The following RAD51B variants were observed in gnomAD, a reference collection of about 807,000 sequenced individuals.
The protein encoded by RAD51B is DNA repair protein RAD51 homolog 2.
RAD51B carries 38 observed loss-of-function variants against 42.2 expected under a neutral mutation model. The ratio of observed to expected loss-of-function variants is 0.90; its 90% CI spans 0.70 to 1.18. The LOEUF is 1.18. Ranked by LOEUF, RAD51B falls within the 50% of genes most tolerant of loss-of-function variation. The pLI is 0.00. For missense variants in RAD51B, 373 were observed against 400.7 expected (o/e 0.93, Z 0.59); for synonymous variants, 154 against 145.2 (o/e 1.06, Z -0.43).
At chr14:68,464,879 G>A (rs75995883) in intron 9 of RAD51B, among the ~76,000 whole-genome samples, 82 of 152,316 alleles carry the variant, frequency 5.4e-4, no homozygotes, top group Non-Finnish European at 1.0e-3. Flanking sequence ...TGCTCCAGAA[G>A]GACAGTGCAT....
intron 7 of RAD51B, among the ~76,000 whole-genome samples, chr14:68,143,645 T>C (rs2078184836): frequency 6.6e-6 from 1 of 152,236 alleles, no homozygotes; most frequent in Admixed American, 6.5e-5. Flanking sequence ...CCCTTTATAT[T>C]TGTGCCTTTT....
chr14:68,536,848 G>A (rs181875236), intron 10 of RAD51B, among the ~76,000 whole-genome samples: 386 of 151,750 alleles, frequency 2.5e-3, no homozygotes, highest in Middle Eastern at 3.4e-3. Flanking sequence ...TTGGGAGGCC[G>A]AGGCGGGCGG....
At chr14:68,303,069 A>G (rs965073881) in intron 8 of RAD51B, among the ~76,000 whole-genome samples, 1 of 152,190 alleles carries the variant, frequency 6.6e-6, no homozygotes, top group Non-Finnish European at 1.5e-5. Flanking sequence ...TCCTGAGGGT[A>G]ATAGGGAGCC....
chr14:68,616,142 T>C (rs941317946), downstream of RAD51B, among the ~76,000 whole-genome samples: 2 of 152,232 alleles, frequency 1.3e-5, no homozygotes, highest in South Asian at 2.1e-4. Flanking sequence ...CAGTACTTTA[T>C]TATTTTTGCT....
chr14:68,331,367 C>CAAAAAAAAAAA lies in RAD51B; in HGVS notation c.853+39395_853+39405dup, dbSNP rs778136542. Among the ~76,000 whole-genome samples the CAAAAAAAAAAA allele has an allele frequency of 1.9e-3, 64 of 32,928 alleles. 8 individuals are homozygous for CAAAAAAAAAAA. The highest frequency in any genetic ancestry group is 4.7e-3 in the East Asian group (7 of 1,502). The allele number at this position is 32,928 out of a possible 152,430, so 21.6% of individuals were successfully genotyped here. A position where few individuals can be genotyped will look rare whatever the true frequency, so the allele number is the denominator to read the frequency against. Reference sequence around the variant, plus strand: ...TGGGCTACAGAACGAGACTCTGTCTCAAAAAAAAAAAAAAAAAAGCAATGG... The same window carrying CAAAAAAAAAAA: ...TGGGCTACAGAACGAGACTCTGTCTCAAAAAAAAAAAAAAAAAAAAAAAAAAAAAGCAATGG... On this transcript the variant is annotated intron_variant, in intron 8 of 10. Transcript: ENST00000471583.
At position 68,153,454 on chromosome 14, in the gene RAD51B, AG is replaced by A. The variant is rs756810788; in HGVS notation, c.757-138429del. On this transcript the variant is annotated intron_variant, in intron 7 of 10. Transcript: ENST00000471583. ...GGTTGAACTAATTTGCATTCCCACC[AG>A]CAGTGTATAAGTGTTTCCTGTTCTC... Among the ~76,000 whole-genome samples the A allele has an allele frequency of 1.2e-4, 18 of 152,260 alleles. 1 individual carries two copies. The South Asian group carries it at 3.7e-3, about 32-fold the overall frequency.
At chr14:67,991,256 C>T (rs2075292260) in intron 7 of RAD51B, among the ~76,000 whole-genome samples, 1 of 152,172 alleles carries the variant, frequency 6.6e-6, no homozygotes, top group African/African-American at 2.4e-5. Flanking sequence ...TTGTTCCCTA[C>T]AGCTGGTGAA....
intron 7 of RAD51B, among the ~76,000 whole-genome samples, chr14:68,248,803 C>T (rs1214541950): frequency 6.6e-6 from 1 of 152,228 alleles, no homozygotes; most frequent in African/African-American, 2.4e-5. Flanking sequence ...CCCAGCTCCC[C>T]TGGATTTTAA....
intron 8 of RAD51B, among the ~76,000 whole-genome samples, chr14:68,388,274 A>G (rs2083652305): frequency 6.6e-6 from 1 of 151,484 alleles, no homozygotes; most frequent in South Asian, 2.1e-4. Flanking sequence ...TTGTATTTTT[A>G]CTACAGACGG....
chr14:68,200,249 G>C (rs1212591088), intron 7 of RAD51B, among the ~76,000 whole-genome samples: 1 of 152,150 alleles, frequency 6.6e-6, no homozygotes, highest in Non-Finnish European at 1.5e-5. Context: ...CGTCTGGCAT[G>C]GGGGAGCCCA....
intron 7 of RAD51B, among the ~76,000 whole-genome samples, chr14:68,268,289 CTG>C (rs2081032607): frequency 1.3e-5 from 2 of 152,230 alleles, no homozygotes. Flanking sequence ...CCATTTGCCT[CTG>C]TGTATACATA....
chr14:68,153,627 A>C (rs1372185508), intron 7 of RAD51B, among the ~76,000 whole-genome samples: 3 of 152,118 alleles, frequency 2.0e-5, no homozygotes, highest in Admixed American at 2.0e-4. Flanking sequence ...TTGGCCATAT[A>C]TATGTCTTTT....
chr14:68,446,885 C>T (rs888365436), intron 9 of RAD51B, among the ~76,000 whole-genome samples: 5 of 152,140 alleles, frequency 3.3e-5, no homozygotes, highest in African/African-American at 1.2e-4. Context: ...TGGTCTCAAT[C>T]ACATCTCTGT....
intron 10 of RAD51B, among the ~76,000 whole-genome samples, chr14:68,521,556 A>G (rs887064097): frequency 3.9e-5 from 6 of 152,234 alleles, no homozygotes; most frequent in Non-Finnish European, 8.8e-5. Context: ...ATAATGTTTA[A>G]CCAGCCAGTT....
intron 10 of RAD51B, among the ~76,000 whole-genome samples, chr14:68,579,536 T>C (rs1033912194): frequency 6.6e-6 from 1 of 152,218 alleles, no homozygotes; most frequent in Non-Finnish European, 1.5e-5. Flanking sequence ...GAACAATGAA[T>C]ACTTTTTTTA....
chr14:68,555,141 C>T (rs531544896), intron 10 of RAD51B, among the ~76,000 whole-genome samples: 3 of 152,080 alleles, frequency 2.0e-5, no homozygotes, highest in Admixed American at 6.5e-5. Context: ...CTACCGTGCC[C>T]GGCCAAAAAA....
chr14:67,917,124 A>G (rs1245679055), intron 7 of RAD51B, among the ~76,000 whole-genome samples: 1 of 152,246 alleles, frequency 6.6e-6, no homozygotes, highest in Non-Finnish European at 1.5e-5. Context: ...GGCATTAAGA[A>G]TAAAATAAAG....
intron 9 of RAD51B, among the ~76,000 whole-genome samples, chr14:68,467,637 A>C (rs2086017522): frequency 6.6e-6 from 1 of 152,272 alleles, no homozygotes; most frequent in South Asian, 2.1e-4. Context: ...ACCCACAATC[A>C]AGGGCCATGG....
intron 10 of RAD51B, among the ~76,000 whole-genome samples, chr14:68,527,056 C>T (rs1886979914): frequency 6.6e-6 from 1 of 152,100 alleles, no homozygotes; most frequent in Non-Finnish European, 1.5e-5. Context: ...CTGGGCAGAA[C>T]GGGGAGCTCA....
Sources: allele counts gnomAD v4.1 joint callset (sites outside exome capture counted in the v4.1 genomes callset), GRCh38; gene constraint gnomAD v4.1.1; transcripts MANE v1.5; gene names NCBI Gene and HGNC (gene_info 2026-07-23, HGNC 2026-07-21).